Variants in COQ8A observed in about 807,000 individuals in gnomAD.
The protein encoded by COQ8A is coenzyme Q8A.
COQ8A carries 51 observed loss-of-function variants against 65.0 expected under a neutral mutation model. The observed-to-expected ratio is 0.78, with a 90% CI of 0.63 to 0.99. COQ8A has a LOEUF of 0.99. Ranked by LOEUF, COQ8A falls within the 50% of genes least tolerant of loss-of-function variation. The pLI is 0.00. For synonymous variants in COQ8A, 371 were observed against 353.2 expected (o/e 1.05, Z -0.57); for missense variants, 940 against 875.0 (o/e 1.07, Z -0.94).
chr1:226,960,322 GGTGGTATCA>G, intron 1 of COQ8A, among the ~76,000 whole-genome samples: 5 of 149,084 alleles, frequency 3.4e-5, no homozygotes, highest in South Asian at 2.2e-4. Flanking sequence ...GGTACTTGGT[GGTGGTATCA>G]GTGGTACTTG....
chr1:226,973,231 A>T (rs1659001902), intron 4 of COQ8A, among the ~76,000 whole-genome samples: 3 of 152,198 alleles, frequency 2.0e-5, no homozygotes, highest in Non-Finnish European at 2.9e-5. Flanking sequence ...TGTGTTCTAG[A>T]TCCAAGAGTT....
In COQ8A at chr1:226,987,035, A is replaced by G. The variant is rs1355865363; in HGVS notation, c.*298A>G. 2.1e-6 allele frequency: 1 copy of G among 466,526 alleles called. No homozygotes were observed. 28.9% of individuals were successfully genotyped at this position (466,526 alleles called of 1,614,324 possible). ...TGTTTTCTTCTTTTTCCTGATGTGA[A>G]TGTTAAGCAGAAGGGAGAGAGTCCT... On this transcript the variant is annotated 3_prime_UTR_variant, in exon 15 of 15. Coordinates refer to ENST00000366777, the MANE Select transcript of COQ8A (RefSeq NM_020247.5).
chr1:226,960,521 G>A (rs1238488917), intron 1 of COQ8A, among the ~76,000 whole-genome samples: 178 of 4,282 alleles, frequency 0.042, no homozygotes, highest in Middle Eastern at 0.071. Context: ...TGGTGGTGGT[G>A]CTTGGTGGTG....
intron 13 of COQ8A, 132 bp downstream of exon 13, chr1:226,985,073 T>A (rs996031596): frequency 2.2e-6 from 3 of 1,337,714 alleles, no homozygotes; most frequent in Admixed American, 3.5e-5. Context: ...GCCCCTCAGG[T>A]CTGGTGACAG....
chr1:226,983,183 C>A, intron 8 of COQ8A, 149 bp downstream of exon 8: 2 of 1,208,882 alleles, frequency 1.7e-6, no homozygotes, highest in Non-Finnish European at 2.3e-6. Context: ...GCCCCAGTGC[C>A]TGGACGGCAC....
Position 226,965,727 on chromosome 1 carries a change from C to T in COQ8A, c.645C>T (p.Ala215=), listed in dbSNP as rs755950454. Residue 215 remains alanine (A), a synonymous_variant, in exon 4 of 15, where the codon GCC becomes GCT. Transcript: ENST00000366777. The stretch of plus-strand genomic sequence containing the variant: ...CTGTGACGAGGATTGGCCGGCTGGC[C>T]AACTTCGGAGGTAAGGTGGCTGTGT... ...KVPVTRIGRL[A]NFGGLAVGLG... 1 of 1,613,870 alleles carries T rather than the reference C, an allele frequency of 6.2e-7. No individual in the cohort carries two copies. The highest frequency in any genetic ancestry group is 1.1e-5 in the South Asian group (1 of 91,082).
Position 226,978,891 on chromosome 1 carries a change from T to A in COQ8A, c.730+1368T>A, listed in dbSNP as rs181427383. ...TACACACCCTCCACACACCCACCAA[T>A]CACCCACTGAACACTGCACCTCCTT... On this transcript the variant is annotated intron_variant, in intron 5 of 14. Transcript: ENST00000366777. 7.2e-3 allele frequency among the ~76,000 whole-genome samples: 442 copies of A among 61,170 alleles called. 110 individuals are homozygous for A. The highest frequency in any genetic ancestry group is 0.011 in the Non-Finnish European group (251 of 23,302). The allele number at this position is 61,170 out of a possible 152,430, so 40.1% of individuals were successfully genotyped here. A position where few individuals can be genotyped will look rare whatever the true frequency, so the allele number is the denominator to read the frequency against.
chr1:226,965,292 G>T lies in COQ8A; in HGVS notation c.470G>T (p.Gly157Val). 6.2e-7 allele frequency: 1 copy of T among 1,613,930 alleles called. No individual in the cohort carries two copies. Among genetic ancestry groups the T allele is most frequent in the Non-Finnish European group, 8.5e-7 (1 of 1,180,002 alleles). The change falls in exon 3 of 15, where the codon GGC becomes GTC. Residue 157 changes from glycine to valine, a missense_variant. Coordinates refer to ENST00000366777, the MANE Select transcript of COQ8A (RefSeq NM_020247.5). ...CCCAGAGACTCATTCTCTGCCATGG[G>T]CTTTCAGCGAAGGTTCTTCCACCAG... is the stretch of plus-strand genomic sequence containing the variant. ...ANPRDSFSAMGFQRRFFHQDQ... is the reference protein window; with the variant it reads ...ANPRDSFSAMVFQRRFFHQDQ...
intron 4 of COQ8A, among the ~76,000 whole-genome samples, chr1:226,969,974 C>T (rs142420499): frequency 4.3e-4 from 66 of 152,154 alleles, no homozygotes; most frequent in African/African-American, 1.5e-3. Context: ...TCATGCGTCT[C>T]TCTTTTTTTT....
chr1:226,965,578 G>T, intron 3 of COQ8A, 93 bp from the exon 4 acceptor site: 2 of 1,524,462 alleles, frequency 1.3e-6, no homozygotes, highest in Non-Finnish European at 1.8e-6. Flanking sequence ...CTGACTGTGG[G>T]GTGGAGAGGA....
intron 5 of COQ8A, among the ~76,000 whole-genome samples, chr1:226,981,571 G>A (rs1043694619): frequency 9.9e-5 from 15 of 152,206 alleles, no homozygotes; most frequent in Admixed American, 9.2e-4. Flanking sequence ...AATGCATGCC[G>A]ACCCCACAGG....
intron 5 of COQ8A, among the ~76,000 whole-genome samples, chr1:226,979,463 G>A (rs151042490): frequency 1.6e-4 from 25 of 152,290 alleles, no homozygotes; most frequent in Non-Finnish European, 2.8e-4. Context: ...CAAGGGAACC[G>A]TCTGCGTGTG....
chr1:226,980,014 C>T (rs1379010764), intron 5 of COQ8A, among the ~76,000 whole-genome samples: 1 of 152,198 alleles, frequency 6.6e-6, no homozygotes, highest in African/African-American at 2.4e-5. Flanking sequence ...AGTGGTGACC[C>T]CAGGCTGGGG....
intron 1 of COQ8A, among the ~76,000 whole-genome samples, chr1:226,956,145 T>C (rs1355999792): frequency 0.032 from 1,194 of 37,112 alleles, no homozygotes; most frequent in Admixed American, 0.036. Context: ...CTGGTTCCCA[T>C]TCTCCCTGGT....
At chr1:226,952,904 TTCTTC>T (rs1657474766) in intron 1 of COQ8A, among the ~76,000 whole-genome samples, 1 of 152,220 alleles carries the variant, frequency 6.6e-6, no homozygotes, top group Admixed American at 6.5e-5. Context: ...CTCCCTCCCT[TTCTTC>T]TCTCCTTTCC....
chr1:226,961,307 T>A, intron 1 of COQ8A, 70 bp from the exon 2 acceptor site: 2 of 1,525,340 alleles, frequency 1.3e-6, no homozygotes, highest in Non-Finnish European at 1.8e-6. Context: ...GAGTTTGGTG[T>A]GGAGTTGGTA....
intron 5 of COQ8A, among the ~76,000 whole-genome samples, chr1:226,981,316 C>T (rs1189448477): frequency 6.6e-6 from 1 of 152,216 alleles, no homozygotes; most frequent in Non-Finnish European, 1.5e-5. Flanking sequence ...TGGCAGTTGA[C>T]TTAGCCGGCC....
At position 226,941,281 on chromosome 1, in the gene COQ8A, G is replaced by T. The variant is rs78575316; in HGVS notation, c.-10+882G>T. Among the ~76,000 whole-genome samples, 494 of 152,322 alleles carry T rather than the reference G, an allele frequency of 3.2e-3. 16 individuals carry two copies. The East Asian group carries it at 0.063, about 19-fold the overall frequency. On this transcript the variant is annotated intron_variant, in intron 1 of 14. Transcript: ENST00000366777. Reference sequence around the variant, plus strand: ...CTTGGGCCTTGGATCTACGTGACAGGATTGAGTAGCTGGTCATGCCAGGCC... The same window carrying T: ...CTTGGGCCTTGGATCTACGTGACAGTATTGAGTAGCTGGTCATGCCAGGCC...
intron 4 of COQ8A, among the ~76,000 whole-genome samples, chr1:226,968,445 A>G (rs921588717): frequency 6.6e-6 from 1 of 152,254 alleles, no homozygotes; most frequent in African/African-American, 2.4e-5. Flanking sequence ...AGAGACATAC[A>G]TACTATTTAA....
Sources: gnomAD v4.1 joint callset for allele counts (sites outside exome capture counted in the v4.1 genomes callset) on GRCh38, gnomAD v4.1.1 for gene constraint, MANE v1.5 for transcripts, NCBI Gene and HGNC (gene_info 2026-07-23, HGNC 2026-07-21) for gene names.